Variants in MBNL2 observed in about 807,000 individuals in gnomAD.
MBNL2 encodes the protein muscleblind-like protein 2.
MBNL2 carries 17 observed loss-of-function variants against 41.9 expected under a neutral mutation model. The ratio of observed to expected loss-of-function variants is 0.41; its 90% CI spans 0.28 to 0.61. The LOEUF (loss-of-function observed/expected upper bound fraction) is 0.61. Among genes scored for constraint, MBNL2 ranks in the 20% least tolerant of loss-of-function variants. The pLI, the probability that MBNL2 is intolerant of heterozygous loss-of-function variation, is 0.35. For synonymous variants in MBNL2, 195 were observed against 182.9 expected, an observed-to-expected ratio of 1.07 and a Z score of -0.53; for missense variants, 336 against 505.6, an observed-to-expected ratio of 0.66 and a Z score of 3.22.
intron 2 of MBNL2, among the ~76,000 whole-genome samples, chr13:97,310,714 C>T (rs1027996899): frequency 5.3e-5 from 8 of 151,902 alleles, no homozygotes; most frequent in Non-Finnish European, 8.8e-5. Flanking sequence ...CAGGAGTGAA[C>T]CACTGAGCCC....
At chr13:97,216,131 A>G in the MBNL2 span, among the ~76,000 whole-genome samples, 1 of 152,230 alleles carries the variant, frequency 6.6e-6, no homozygotes, top group Non-Finnish European at 1.5e-5. Context: ...TTCTTGCGAT[A>G]AATTCAGGAA....
At chr13:97,390,772 C>G (rs2066337624) in intron 8 of MBNL2, among the ~76,000 whole-genome samples, 1 of 152,044 alleles carries the variant, frequency 6.6e-6, no homozygotes, top group Non-Finnish European at 1.5e-5. Context: ...TTAAATATAC[C>G]TTGAATTTGA....
At chr13:97,244,967 T>C (rs1325242585) in intron 1 of MBNL2, among the ~76,000 whole-genome samples, 1 of 152,146 alleles carries the variant, frequency 6.6e-6, no homozygotes, top group Admixed American at 6.5e-5. Context: ...GCCAAGAGTA[T>C]TTTATCTAAT....
the MBNL2 span, among the ~76,000 whole-genome samples, chr13:97,178,115 T>C: frequency 1.3e-5 from 2 of 152,040 alleles, no homozygotes; most frequent in African/African-American, 4.8e-5. Flanking sequence ...AAAAAGTCAA[T>C]GGAAGTAAAT....
the MBNL2 span, among the ~76,000 whole-genome samples, chr13:97,204,595 A>C: frequency 1.3e-5 from 2 of 152,276 alleles, no homozygotes; most frequent in South Asian, 4.1e-4. Flanking sequence ...TTCAGGAAGA[A>C]AAAAAACTAT....
chr13:97,289,909 G>A (rs1261855851), intron 2 of MBNL2, among the ~76,000 whole-genome samples: 2 of 152,202 alleles, frequency 1.3e-5, no homozygotes, highest in Non-Finnish European at 2.9e-5. Context: ...CTATATTAAA[G>A]AAGAATACAA....
In MBNL2 at chr13:97,391,317, A is replaced by AACAGATAATTCTGAAATAATC; in HGVS notation, c.1049-3_1066dup. On this transcript the variant is annotated splice_polypyrimidine_tract_variant and splice_region_variant and intron_variant, in intron 8 of 8. Transcript: ENST00000679496. Reference sequence around the variant, plus strand: ...CTAAATCATGCTTGTCTTTCTCTTTAACAGATAATTCTGAAATAATCAGCA... The same window carrying AACAGATAATTCTGAAATAATC: ...CTAAATCATGCTTGTCTTTCTCTTTAACAGATAATTCTGAAATAATCACAGATAATTCTGAAATAATCAGCA... 1 of 1,260,088 alleles carries AACAGATAATTCTGAAATAATC rather than the reference A, an allele frequency of 7.9e-7. No individual in the cohort carries two copies. Among genetic ancestry groups the AACAGATAATTCTGAAATAATC allele is most frequent in the South Asian group, 1.2e-5 (1 of 83,452 alleles). The allele number at this position is 1,260,088 out of a possible 1,614,324, so 78.1% of individuals were successfully genotyped here. A position where few individuals can be genotyped will look rare whatever the true frequency, so the allele number is the denominator to read the frequency against.
At chr13:97,313,559 G>A (rs2058786170) in intron 2 of MBNL2, among the ~76,000 whole-genome samples, 1 of 152,208 alleles carries the variant, frequency 6.6e-6, no homozygotes, top group Non-Finnish European at 1.5e-5. Context: ...CTGCTCTGCT[G>A]GAGAGACTGT....
At chr13:97,180,499 A>G in the MBNL2 span, among the ~76,000 whole-genome samples, 4 of 151,950 alleles carry the variant, frequency 2.6e-5, no homozygotes, top group African/African-American at 9.7e-5. Flanking sequence ...CACTTTGGGA[A>G]GCTGAGGCAA....
chr13:97,257,981 T>G (rs1172675902), intron 1 of MBNL2, among the ~76,000 whole-genome samples: 2 of 152,188 alleles, frequency 1.3e-5, no homozygotes, highest in Non-Finnish European at 2.9e-5. Context: ...GTGACCTTGC[T>G]TAGAAATGAT....
At chr13:97,278,968 G>A (rs1032098898) in intron 2 of MBNL2, among the ~76,000 whole-genome samples, 1 of 152,176 alleles carries the variant, frequency 6.6e-6, no homozygotes, top group Admixed American at 6.5e-5. Flanking sequence ...TCAGTAAAAG[G>A]AGGATATTCA....
At position 97,276,366 on chromosome 13, in the gene MBNL2, A is replaced by C; in HGVS notation, c.131A>C (p.Gln44Pro). The C allele has an allele frequency of 6.2e-7, 1 of 1,614,118 alleles. No individual in the cohort carries two copies. The highest frequency in any genetic ancestry group is 8.5e-7 in the Non-Finnish European group (1 of 1,179,966). ...TTTGCTCATCCCCCCAAAAGTTGTC[A>C]GGTTGAAAATGGAAGAGTAATTGCC... is the stretch of plus-strand genomic sequence containing the variant. The part of the protein sequence containing the change: ...CKFAHPPKSC[Q>P]VENGRVIACF... The change falls in exon 2 of 9, where the codon CAG becomes CCG. Residue 44 changes from glutamine to proline, a missense_variant. By Grantham distance (76) the Gln-to-Pro change is moderately conservative. Transcript: ENST00000679496.
intron 1 of MBNL2, among the ~76,000 whole-genome samples, chr13:97,251,674 A>G (rs1566367072): frequency 1.3e-5 from 2 of 152,092 alleles, no homozygotes; most frequent in South Asian, 2.1e-4. Flanking sequence ...TGTGGATTAT[A>G]TTTTTAATTA....
At chr13:97,198,266 C>A in the MBNL2 span, among the ~76,000 whole-genome samples, 1 of 151,910 alleles carries the variant, frequency 6.6e-6, no homozygotes, top group Non-Finnish European at 1.5e-5. Context: ...TGCCTGATGG[C>A]CTTTGAACTA....
At chr13:97,252,409 C>G (rs1328277030) in intron 1 of MBNL2, among the ~76,000 whole-genome samples, 1 of 152,028 alleles carries the variant, frequency 6.6e-6, no homozygotes, top group Non-Finnish European at 1.5e-5. Context: ...ATACAGCCTC[C>G]CCAACAATAA....
the MBNL2 span, among the ~76,000 whole-genome samples, chr13:97,183,261 T>C: frequency 6.6e-6 from 1 of 152,226 alleles, no homozygotes; most frequent in Non-Finnish European, 1.5e-5. Context: ...TTAGTCCTTG[T>C]ATTATAATAG....
the MBNL2 span, chr13:97,172,525 G>C: frequency 6.6e-6 from 1 of 152,130 alleles, no homozygotes; most frequent in East Asian, 1.9e-4. Flanking sequence ...TCCTAGAAGA[G>C]ACTGCAAATT....
the MBNL2 span, among the ~76,000 whole-genome samples, chr13:97,161,193 T>C: frequency 6.6e-6 from 1 of 152,188 alleles, no homozygotes; most frequent in Non-Finnish European, 1.5e-5. Flanking sequence ...ACAGAATGGT[T>C]CCCAATGGCA....
At position 97,263,531 on chromosome 13, in the gene MBNL2, G is replaced by A. The variant is rs1473164715; in HGVS notation, c.-604-12101G>A. 4.6e-5 allele frequency among the ~76,000 whole-genome samples: 7 copies of A among 152,200 alleles called. No individual in the cohort carries two copies. In the East Asian group the frequency reaches 1.2e-3, roughly 25 times the overall value. ...AAAAAATTGTCCAAATGCCTGGGGG[G>A]CATCTCTGGAATTTAATGGACAGGA... On this transcript the variant is annotated intron_variant, in intron 1 of 8. Coordinates refer to ENST00000679496, the MANE Select transcript of MBNL2 (RefSeq NM_001382683.1).
Sources: allele counts gnomAD v4.1 joint callset (sites outside exome capture counted in the v4.1 genomes callset), GRCh38; gene constraint gnomAD v4.1.1; transcripts MANE v1.5; gene names NCBI Gene and HGNC (gene_info 2026-07-23, HGNC 2026-07-21).